The following WDTC1 variants were observed in gnomAD, a reference collection of about 807,000 sequenced individuals.
The protein encoded by WDTC1 is WD and tetratricopeptide repeats protein 1.
WDTC1 carries 12 observed loss-of-function variants against 76.0 expected under a neutral mutation model. That is an observed-to-expected ratio of 0.16 (90% confidence interval 0.10 to 0.26). The LOEUF is 0.26. WDTC1 is among the 10% of genes least tolerant of loss of function. The pLI, the probability that WDTC1 is intolerant of heterozygous loss-of-function variation, is 1.00. For synonymous variants in WDTC1, 326 were observed against 350.8 expected, an observed-to-expected ratio of 0.93 and a Z score of 0.79; for missense variants, 511 against 908.8, an observed-to-expected ratio of 0.56 and a Z score of 5.63.
At position 27,301,442 on chromosome 1, in the gene WDTC1, C is replaced by T. The variant is rs1427925713; in HGVS notation, c.1449C>T (p.Leu483=). The T allele has an allele frequency of 1.2e-6, 2 of 1,613,262 alleles. No homozygotes were observed. The highest frequency in any genetic ancestry group is 1.7e-6 in the Non-Finnish European group (2 of 1,180,010). Residue 483 remains leucine, a synonymous_variant, in exon 13 of 16, where the codon CTC becomes CTT. Transcript: ENST00000319394. This position sits in a 1 kb window ranked among gnomAD's most constrained non-coding sequence, Gnocchi z 5.8. ...DALGRDITAA[L]FSKNDGEEKK... is the part of the protein sequence containing the mutation. ...TGGGCCGCGACATCACAGCTGCCCT[C>T]TTCTCTAAAAATGATGGTGGTGAGT...
chr1:27,301,183 C>A lies in WDTC1; in HGVS notation c.1233-43C>A, dbSNP rs1425514304. ...AGACTGAATGGGGACCCCTTGCTTGCCACGTGGCTCCACCTCCAAGCCGCT... is the reference window on the plus strand; with the variant it reads ...AGACTGAATGGGGACCCCTTGCTTGACACGTGGCTCCACCTCCAAGCCGCT... On this transcript the variant is annotated intron_variant, in intron 12 of 15. Coordinates refer to ENST00000319394, the MANE Select transcript of WDTC1 (RefSeq NM_001276252.2). This position sits in a 1 kb window ranked among gnomAD's most constrained non-coding sequence, Gnocchi z 5.8. The A allele has an allele frequency of 6.3e-7, 1 of 1,588,692 alleles. No homozygotes were observed. Among genetic ancestry groups the A allele is most frequent in the Admixed American group, 1.7e-5 (1 of 59,486 alleles).
intron 1 of WDTC1, among the ~76,000 whole-genome samples, chr1:27,251,526 G>A (rs1052676077): frequency 7.9e-5 from 12 of 152,040 alleles, no homozygotes; most frequent in Non-Finnish European, 1.2e-4. Flanking sequence ...CTAACTTATA[G>A]TAGACCTTTG....
At chr1:27,282,878 G>A (rs565268398) in intron 4 of WDTC1, among the ~76,000 whole-genome samples, 1 of 151,828 alleles carries the variant, frequency 6.6e-6, no homozygotes, top group South Asian at 2.1e-4. Flanking sequence ...AGTGGCTCAC[G>A]CCTGTAATCC....
chr1:27,299,700 C>T (rs1196437698), intron 12 of WDTC1, among the ~76,000 whole-genome samples: 1 of 152,162 alleles, frequency 6.6e-6, no homozygotes. Flanking sequence ...ACGTTGGCCT[C>T]GATTCAGTGC....
intron 1 of WDTC1, among the ~76,000 whole-genome samples, chr1:27,246,658 T>C (rs1301118398): frequency 6.6e-6 from 1 of 152,002 alleles, no homozygotes; most frequent in Non-Finnish European, 1.5e-5. Context: ...GCCTTCCAGG[T>C]TTAAGCGATT....
At chr1:27,264,488 G>A (rs2012593936) in intron 3 of WDTC1, among the ~76,000 whole-genome samples, 1 of 151,932 alleles carries the variant, frequency 6.6e-6, no homozygotes, top group Non-Finnish European at 1.5e-5. Flanking sequence ...CAGAACGCTT[G>A]TTCAAGTTTG....
chr1:27,258,134 C>T (rs1156884281), intron 1 of WDTC1, among the ~76,000 whole-genome samples: 1 of 151,330 alleles, frequency 6.6e-6, no homozygotes, highest in Non-Finnish European at 1.5e-5. Context: ...CACGGTGGCT[C>T]ATGCCTGTAA....
At chr1:27,253,710 A>G (rs1397759268) in intron 1 of WDTC1, among the ~76,000 whole-genome samples, 2 of 152,094 alleles carry the variant, frequency 1.3e-5, no homozygotes, top group Non-Finnish European at 2.9e-5. Context: ...ATTTTATTTT[A>G]TGAATTCTTA....
At chr1:27,251,264 T>C (rs1286166754) in intron 1 of WDTC1, among the ~76,000 whole-genome samples, 1 of 151,760 alleles carries the variant, frequency 6.6e-6, no homozygotes, top group African/African-American at 2.4e-5. Context: ...TCCAGTATTC[T>C]AAGTTAAAAG....
In WDTC1 at chr1:27,305,728, A is replaced by G. The variant is rs1453146783; in HGVS notation, c.1837-458A>G. ...GCTGGCAAAACAAAAGTCAAGTGGT[A>G]TGTCTGATTCCCAAGATAATTTGCT... is the stretch of plus-strand genomic sequence containing the variant. On this transcript the variant is annotated intron_variant, in intron 15 of 15. Coordinates refer to ENST00000319394, the MANE Select transcript of WDTC1 (RefSeq NM_001276252.2). The surrounding 1 kb of genome is among the most constrained non-coding windows in gnomAD (Gnocchi z 4.6). Among the ~76,000 whole-genome samples, 1 of 152,060 alleles carries G rather than the reference A, an allele frequency of 6.6e-6. No individual in the cohort carries two copies. Among genetic ancestry groups the G allele is most frequent in the Non-Finnish European group, 1.5e-5 (1 of 68,010 alleles).
At chr1:27,294,195 G>T in intron 8 of WDTC1, 79 bp downstream of exon 8, 1 of 1,444,854 alleles carries the variant, frequency 6.9e-7, no homozygotes, top group South Asian at 1.2e-5. Flanking sequence ...GAGACAGCAT[G>T]GCATGGTGGT....
rs764823611 is a variant in WDTC1, at chr1:27,304,966, C to T, written c.1644-35C>T. 9 of 1,590,332 alleles carry T rather than the reference C, an allele frequency of 5.7e-6. No homozygotes were observed. In the African/African-American group the frequency reaches 9.4e-5, roughly 17 times the overall value. Reference sequence around the variant, plus strand: ...CTACTTGAGGCTGTAGGGCAGTACCCCACCTGACCTCCCTGCCCTTTGCCC... The same window carrying T: ...CTACTTGAGGCTGTAGGGCAGTACCTCACCTGACCTCCCTGCCCTTTGCCC... On this transcript the variant is annotated intron_variant, in intron 14 of 15. Transcript: ENST00000319394.
At chr1:27,246,536 A>G (rs1189401962) in intron 1 of WDTC1, among the ~76,000 whole-genome samples, 1 of 151,690 alleles carries the variant, frequency 6.6e-6, no homozygotes, top group African/African-American at 2.4e-5. Context: ...GTATTCATGT[A>G]CAGCTTTTTG....
intron 13 of WDTC1, among the ~76,000 whole-genome samples, chr1:27,302,794 T>C (rs1164676119): frequency 6.6e-6 from 1 of 152,064 alleles, no homozygotes; most frequent in South Asian, 2.1e-4. Context: ...TCCTGGCATA[T>C]GAACCAGCAT....
At chr1:27,253,610 A>T (rs1446530616) in intron 1 of WDTC1, among the ~76,000 whole-genome samples, 2 of 149,558 alleles carry the variant, frequency 1.3e-5, no homozygotes, top group Non-Finnish European at 3.0e-5. Context: ...GCCTCCCAAA[A>T]TGCTGGGATT....
chr1:27,258,785 T>A (rs998607655), intron 1 of WDTC1, among the ~76,000 whole-genome samples: 6 of 151,858 alleles, frequency 4.0e-5, no homozygotes, highest in Non-Finnish European at 7.4e-5. Context: ...AAGGAAGGAG[T>A]CTGCTCACAG....
At chr1:27,252,990 T>C (rs1020677039) in intron 1 of WDTC1, among the ~76,000 whole-genome samples, 9 of 148,466 alleles carry the variant, frequency 6.1e-5, no homozygotes, top group Non-Finnish European at 1.2e-4. Context: ...ACTTATTAAT[T>C]CATGTTGTTC....
At chr1:27,254,641 C>CT (rs1450986532) in intron 1 of WDTC1, among the ~76,000 whole-genome samples, 6 of 151,058 alleles carry the variant, frequency 4.0e-5, no homozygotes, top group East Asian at 3.9e-4. Context: ...TAAATTTTGA[C>CT]TTTTTTTTTG....
chr1:27,283,096 C>T (rs1429781293), intron 4 of WDTC1, among the ~76,000 whole-genome samples: 1 of 151,336 alleles, frequency 6.6e-6, no homozygotes. Flanking sequence ...CGAGATCGCG[C>T]CACTGCACTT....
Sources: allele counts gnomAD v4.1 joint callset (sites outside exome capture counted in the v4.1 genomes callset), GRCh38; gene constraint gnomAD v4.1.1; non-coding constraint Gnocchi (gnomAD v3.1); transcripts MANE v1.5; gene names NCBI Gene and HGNC (gene_info 2026-07-23, HGNC 2026-07-21).